TNC: variants seen among roughly 807,000 people sequenced by gnomAD.
TNC encodes tenascin C.
Under a neutral mutation model 202.4 loss-of-function variants are expected in TNC, and 109 were observed. The observed-to-expected ratio is 0.54, with a 90% CI of 0.46 to 0.63. The LOEUF (loss-of-function observed/expected upper bound fraction) is 0.63. Among genes scored for constraint, TNC ranks in the 30% least tolerant of loss-of-function variants. TNC has a pLI of 0.00. For synonymous variants in TNC, 1,007 were observed against 1,089.7 expected (o/e 0.92, Z 1.50); for missense variants, 2,756 against 2,833.3 (o/e 0.97, Z 0.62).
At chr9:115,031,134 G>T (rs72758634) in intron 23 of TNC, among the ~76,000 whole-genome samples, 16,219 of 152,256 alleles carry the variant, frequency 0.11, 1,142 homozygotes, top group Non-Finnish European at 0.16. Flanking sequence ...GAGACTTTCA[G>T]CTCATGTTGA....
chr9:115,030,925 T>C (rs1450377237), intron 23 of TNC, among the ~76,000 whole-genome samples: 3 of 152,222 alleles, frequency 2.0e-5, no homozygotes, highest in Non-Finnish European at 4.4e-5. Context: ...GGAGGCTCCC[T>C]GGGCATGGAA....
intron 15 of TNC, among the ~76,000 whole-genome samples, chr9:115,051,079 G>A (rs955566416): frequency 6.6e-6 from 1 of 152,118 alleles, no homozygotes; most frequent in Non-Finnish European, 1.5e-5. Flanking sequence ...TATCACTAAT[G>A]AAAAGGAAGA....
chr9:115,081,784 C>T lies in TNC; in HGVS notation c.2392G>A (p.Val798Met), dbSNP rs189378657. 1.2e-6 allele frequency: 2 copies of T among 1,613,998 alleles called. No homozygotes were observed. Among genetic ancestry groups the T allele is most frequent in the Non-Finnish European group, 1.7e-6 (2 of 1,179,962 alleles). The part of the protein sequence containing the change: ...NNTRGPGLKR[V>M]TTTRLDAPSQ... ...AGGTGATACTCACGTGTGGTGGTCA[C>T]CCTCTTCAGGCCAGGGCCCCGGGTA... Residue 798 changes from valine (V) to methionine (M), a missense_variant, in exon 6 of 28, where the codon GTG (valine) becomes ATG (methionine). By Grantham distance (21) the Val-to-Met change is conservative (BLOSUM62 1). Coordinates refer to ENST00000350763, the MANE Select transcript of TNC (RefSeq NM_002160.4).
intron 7 of TNC, among the ~76,000 whole-genome samples, chr9:115,077,433 T>A (rs1355774277): frequency 6.6e-6 from 1 of 151,906 alleles, no homozygotes; most frequent in Non-Finnish European, 1.5e-5. Flanking sequence ...CCTCATGATC[T>A]GCCTGCATCA....
chr9:115,076,678 G>T (rs1412711637), intron 7 of TNC, 103 bp from the exon 8 acceptor site: 3 of 1,316,320 alleles, frequency 2.3e-6, no homozygotes, highest in Non-Finnish European at 3.1e-6. Context: ...GAACTGGAGA[G>T]AAATTACAAA....
chr9:115,041,000 C>T lies in TNC; in HGVS notation c.5333G>A (p.Ser1778Asn), dbSNP rs765099381. 5 of 1,614,002 alleles carry T rather than the reference C, an allele frequency of 3.1e-6. No individual in the cohort carries two copies. Among genetic ancestry groups the T allele is most frequent in the Non-Finnish European group, 4.2e-6 (5 of 1,180,030 alleles). Reference sequence around the variant, plus strand: ...CTCAAAGCCCTTCATGGCGATGATGCTGACAAGGTACTCCACGCCAGGTAT... The same window carrying T: ...CTCAAAGCCCTTCATGGCGATGATGTTGACAAGGTACTCCACGCCAGGTAT... ...KLIPGVEYLV[S>N]IIAMKGFEES... Residue 1778 changes from serine to asparagine, a missense_variant, in exon 19 of 28, where the codon AGC (serine) becomes AAC (asparagine). Physicochemically the swap from Ser to Asn is conservative, Grantham distance 46. Transcript: ENST00000350763.
chr9:115,043,115 T>A (rs1282067770), intron 17 of TNC, among the ~76,000 whole-genome samples: 1 of 152,126 alleles, frequency 6.6e-6, no homozygotes, highest in Admixed American at 6.5e-5. Flanking sequence ...CTCTGTGTAT[T>A]TTTTGGCTGC....
chr9:115,105,108 G>C (rs1836513904), intron 1 of TNC, among the ~76,000 whole-genome samples: 2 of 152,128 alleles, frequency 1.3e-5, no homozygotes, highest in African/African-American at 4.8e-5. Context: ...ACAAAATCCT[G>C]TTTAAATCAA....
At chr9:115,115,708 T>C (rs778563713) in intron 1 of TNC, among the ~76,000 whole-genome samples, 2 of 152,204 alleles carry the variant, frequency 1.3e-5, no homozygotes, top group African/African-American at 4.8e-5. Flanking sequence ...AAAATCCTTG[T>C]TGAAGGGCAG....
At position 115,076,014 on chromosome 9, in the gene TNC, A is replaced by C; in HGVS notation, c.2950+18T>G. ...CCAGCACCAGCTCAGTGGGATGGGA[A>C]TTCCAGGTGTGCCCCACCTGTGGCT... On this transcript the variant is annotated intron_variant, in intron 9 of 27. Coordinates refer to ENST00000350763, the MANE Select transcript of TNC (RefSeq NM_002160.4). 6.2e-7 allele frequency: 1 copy of C among 1,610,342 alleles called. No individual in the cohort carries two copies. The highest frequency in any genetic ancestry group is 2.2e-5 in the East Asian group (1 of 44,856).
chr9:115,049,080 TG>T lies in TNC; in HGVS notation c.4580-549del, dbSNP rs1188523442. On this transcript the variant is annotated intron_variant, in intron 15 of 27. Coordinates refer to ENST00000350763, the MANE Select transcript of TNC (RefSeq NM_002160.4). Reference sequence around the variant, plus strand: ...ATAAAGGGAGGAGGTAAGTTTTTTTTGTGTCAAAATTAATAGCTCATGGTTA... The same window carrying T: ...ATAAAGGGAGGAGGTAAGTTTTTTTTTGTCAAAATTAATAGCTCATGGTTA... Among the ~76,000 whole-genome samples the T allele has an allele frequency of 2.0e-5, 3 of 151,038 alleles. No homozygotes were observed. In the South Asian group the frequency reaches 6.3e-4, roughly 32 times the overall value.
intron 2 of TNC, among the ~76,000 whole-genome samples, 196 bp downstream of exon 2, chr9:115,090,366 C>T (rs983802703): frequency 1.3e-5 from 2 of 152,174 alleles, no homozygotes; most frequent in Admixed American, 6.5e-5. Context: ...AAGCAGTTGT[C>T]GCCGTGACTC....
At chr9:115,026,384 T>C in intron 26 of TNC, 150 bp downstream of exon 26, 1 of 809,532 alleles carries the variant, frequency 1.2e-6, no homozygotes, top group Non-Finnish European at 1.9e-6. Flanking sequence ...TTGTAGTTTT[T>C]CTGGATTGGC....
intron 1 of TNC, among the ~76,000 whole-genome samples, chr9:115,102,989 G>GT (rs1185771502): frequency 1.3e-5 from 2 of 152,188 alleles, no homozygotes; most frequent in Non-Finnish European, 2.9e-5. Context: ...TAGCTCTCCT[G>GT]TAATCTCTTC....
At chr9:115,050,612 C>A (rs2150101) in intron 15 of TNC, among the ~76,000 whole-genome samples, 19,420 of 152,094 alleles carry the variant, frequency 0.13, 1,310 homozygotes, top group Middle Eastern at 0.21. Context: ...CTCTTAAAAA[C>A]GAGAGGGAGT....
intron 1 of TNC, among the ~76,000 whole-genome samples, chr9:115,106,072 A>G (rs13298263): frequency 6.6e-6 from 1 of 152,172 alleles, no homozygotes; most frequent in East Asian, 1.9e-4. Context: ...AGATATACCT[A>G]ACTATGACCT....
intron 22 of TNC, among the ~76,000 whole-genome samples, chr9:115,034,645 C>T (rs1208843114): frequency 6.6e-6 from 1 of 152,042 alleles, no homozygotes; most frequent in African/African-American, 2.4e-5. Context: ...AGTGAGATAA[C>T]CAAAATGAAA....
At chr9:115,109,244 C>G (rs994452378) in intron 1 of TNC, among the ~76,000 whole-genome samples, 11 of 152,294 alleles carry the variant, frequency 7.2e-5, no homozygotes, top group African/African-American at 2.6e-4. Context: ...ACAATGACAA[C>G]AACAAAACAT....
chr9:115,105,422 T>C (rs1171774497), intron 1 of TNC, among the ~76,000 whole-genome samples: 1 of 152,212 alleles, frequency 6.6e-6, no homozygotes, highest in Non-Finnish European at 1.5e-5. Context: ...GAGGTAGTTG[T>C]CTTTATTTTT....
Sources: allele counts gnomAD v4.1 joint callset (sites outside exome capture counted in the v4.1 genomes callset), GRCh38; gene constraint gnomAD v4.1.1; transcripts MANE v1.5; gene names NCBI Gene and HGNC (gene_info 2026-07-23, HGNC 2026-07-21).